Variants in ZNF621 observed in about 807,000 individuals in gnomAD.
ZNF621 encodes zinc finger protein 621.
ZNF621 carries 6 observed loss-of-function variants against 12.7 expected under a neutral mutation model. The observed-to-expected ratio is 0.47, with a 90% CI of 0.26 to 0.93. The LOEUF (loss-of-function observed/expected upper bound fraction) is 0.93. ZNF621 is among the 40% of genes least tolerant of loss of function. ZNF621 has a pLI of 0.15. For missense variants in ZNF621, 474 were observed against 524.0 expected (o/e 0.90, Z 0.93); for synonymous variants, 156 against 190.3 (o/e 0.82, Z 1.48).
intron 4 of ZNF621, among the ~76,000 whole-genome samples, chr3:40,531,711 C>T (rs902162575): frequency 2.6e-5 from 4 of 152,070 alleles, no homozygotes; most frequent in Non-Finnish European, 4.4e-5. Context: ...CACAGGGGTG[C>T]GCCACCATGC....
rs1698549282 is a variant in ZNF621, at chr3:40,525,275, G to C, written c.-63+1G>C. The stretch of plus-strand genomic sequence containing the variant: ...TTGCCCTGACAGCCTCTGGCTCCCG[G>C]TACTGACGTTTCTGATGTTTGGGGT... On this transcript the variant is annotated splice_donor_variant, in intron 1 of 4. Transcript: ENST00000339296. LOFTEE classifies it low-confidence loss of function (5UTR_SPLICE). The C allele has an allele frequency of 6.3e-6, 1 of 157,920 alleles. No individual in the cohort carries two copies. Among genetic ancestry groups the C allele is most frequent in the Non-Finnish European group, 1.4e-5 (1 of 71,710 alleles). The allele number at this position is 157,920 out of a possible 1,614,324, so 9.8% of individuals were successfully genotyped here.
At position 40,533,116 on chromosome 3, in the gene ZNF621, C is replaced by G. The variant is rs1280296012; in HGVS notation, c.*26C>G. On this transcript the variant is annotated 3_prime_UTR_variant, in exon 5 of 5. Transcript: ENST00000339296. The stretch of plus-strand genomic sequence containing the variant: ...GCTTTATCTTGGCAGTCTTACGGCT[C>G]TTATGCCTAGCAAATCTCCAGCCTA... 3 of 1,539,506 alleles carry G rather than the reference C, an allele frequency of 1.9e-6. No individual in the cohort carries two copies. The South Asian group carries it at 3.6e-5, about 19-fold the overall frequency.
chr3:40,533,417 AGG>A lies in ZNF621; in HGVS notation c.*328_*329del. 7.0e-6 allele frequency: 2 copies of A among 285,754 alleles called. No homozygotes were observed. The highest frequency in any genetic ancestry group is 1.3e-5 in the Non-Finnish European group (2 of 151,592). 17.7% of individuals were successfully genotyped at this position (285,754 alleles called of 1,614,324 possible). On this transcript the variant is annotated 3_prime_UTR_variant, in exon 5 of 5. Coordinates refer to ENST00000339296, the MANE Select transcript of ZNF621 (RefSeq NM_198484.5). ...TGGCCCCCCAAAGTGCTGGGATTAC[AGG>A]AGTGAGCCACTGTGCCCAGCCTCCA...
chr3:40,531,997 G>A (rs1323669855), intron 4 of ZNF621, 33 bp from the exon 5 acceptor site: 2 of 1,553,338 alleles, frequency 1.3e-6, no homozygotes, highest in Admixed American at 2.1e-5. Context: ...TTCCAGTTTT[G>A]TAACTAGGAA....
rs1472144432 is a variant in ZNF621, at chr3:40,532,606, T to C, written c.836T>C (p.Ile279Thr). 3.7e-6 allele frequency: 6 copies of C among 1,614,028 alleles called. No homozygotes were observed. The African/African-American group carries it at 5.3e-5, about 14-fold the overall frequency. Reference sequence around the variant, plus strand: ...GCTTTCGGTTGTAGGTCACTTTTTATTGTCCATCAGAGAATTCATACTGGG... The same window carrying C: ...GCTTTCGGTTGTAGGTCACTTTTTACTGTCCATCAGAGAATTCATACTGGG... ...WKAFGCRSLF[I>T]VHQRIHTGEK... The change falls in exon 5 of 5, where the codon ATT becomes ACT. Residue 279 changes from isoleucine (I) to threonine (T), a missense_variant. Ile to Thr is a moderately conservative substitution (Grantham distance 89). Transcript: ENST00000339296.
chr3:40,532,502 C>T lies in ZNF621; in HGVS notation c.732C>T (p.Phe244=). ...AATGTAAAGAGTGTGGAAAGGCTTT[C>T]CGTAGGAGTGCGGCATACCTGCAGC... is the stretch of plus-strand genomic sequence containing the variant. ...PYECKECGKA[F]RRSAAYLQHQ... Residue 244 remains phenylalanine, a synonymous_variant, in exon 5 of 5, where the codon TTC becomes TTT. Coordinates refer to ENST00000339296, the MANE Select transcript of ZNF621 (RefSeq NM_198484.5). The T allele has an allele frequency of 6.2e-7, 1 of 1,614,124 alleles. No homozygotes were observed. The highest frequency in any genetic ancestry group is 8.5e-7 in the Non-Finnish European group (1 of 1,180,030).
rs887404203 is a variant in ZNF621 at position 40,537,035 on chromosome 3, C to T, written c.*3945C>T. The stretch of plus-strand genomic sequence containing the variant: ...AACTGATGGTTCCCCATCTCTCTCC[C>T]TCTCCTCAGACCTCACTATTCTCTC... On this transcript the variant is annotated 3_prime_UTR_variant, in exon 5 of 5. Coordinates refer to ENST00000339296, the MANE Select transcript of ZNF621 (RefSeq NM_198484.5). 3 of 152,190 alleles carry T rather than the reference C, an allele frequency of 2.0e-5. No individual in the cohort carries two copies. The highest frequency in any genetic ancestry group is 7.2e-5 in the African/African-American group (3 of 41,442). The allele number at this position is 152,190 out of a possible 1,614,324, so 9.4% of individuals were successfully genotyped here. A position where few individuals can be genotyped will look rare whatever the true frequency, so the allele number is the denominator to read the frequency against.
Position 40,530,364 on chromosome 3 carries a change from T to C in ZNF621, c.259+48T>C, listed in dbSNP as rs558943324. ...GAAGTTTCTTGTTTTGCCTTCCTGG[T>C]TTACTAGGTAAGAAGTGTTTCTTAT... On this transcript the variant is annotated intron_variant, in intron 4 of 4. Transcript: ENST00000339296. 1.9e-5 allele frequency: 28 copies of C among 1,481,842 alleles called. No homozygotes were observed. In the East Asian group the frequency reaches 3.6e-4, roughly 19 times the overall value. 91.8% of individuals were successfully genotyped at this position (1,481,842 alleles called of 1,614,324 possible).
chr3:40,529,197 A>C (rs548998874), intron 2 of ZNF621, 122 bp from the exon 3 acceptor site: 2 of 1,219,724 alleles, frequency 1.6e-6, no homozygotes, highest in African/African-American at 3.1e-5. Context: ...CTTGTTGAGC[A>C]GACCTTACAT....
At position 40,538,164 on chromosome 3, in the gene ZNF621, C is replaced by T. The variant is rs1698916119; in HGVS notation, c.*5074C>T. The T allele has an allele frequency of 3.2e-6, 1 of 316,694 alleles. No individual in the cohort carries two copies. Among genetic ancestry groups the T allele is most frequent in the Non-Finnish European group, 6.1e-6 (1 of 163,562 alleles). 19.6% of individuals were successfully genotyped at this position (316,694 alleles called of 1,614,324 possible). A position where few individuals can be genotyped will look rare whatever the true frequency, so the allele number is the denominator to read the frequency against. On this transcript the variant is annotated 3_prime_UTR_variant, in exon 5 of 5. Coordinates refer to ENST00000339296, the MANE Select transcript of ZNF621 (RefSeq NM_198484.5). Reference sequence around the variant, plus strand: ...GCCTGGATGACAGCACATCTGTTTACAGCATGGATTACTGAATATTTTAAG... The same window carrying T: ...GCCTGGATGACAGCACATCTGTTTATAGCATGGATTACTGAATATTTTAAG...
rs115824995 is a variant in ZNF621 at position 40,532,112 on chromosome 3, A to G, written c.342A>G (p.Val114=). 1,365 of 1,614,198 alleles carry G rather than the reference A, an allele frequency of 8.5e-4. 13 individuals carry two copies. The African/African-American group carries it at 0.015, about 18-fold the overall frequency. Residue 114 remains valine (V), a synonymous_variant, in exon 5 of 5, where the codon GTA becomes GTG. Coordinates refer to ENST00000339296, the MANE Select transcript of ZNF621 (RefSeq NM_198484.5). ...AAACAGAGTTGCACAGAATGCCAGT[A>G]GGAGGACTTCTCAGGAACGTTTCTC... The part of the protein sequence containing the change: ...SEETELHRMP[V]GGLLRNVSQH...
chr3:40,529,896 G>A (rs74549518), intron 3 of ZNF621, among the ~76,000 whole-genome samples: 4,784 of 152,228 alleles, frequency 0.031, 106 homozygotes, highest in Non-Finnish European at 0.043. Context: ...TTGTTCCTTT[G>A]TCCATCCAGT....
rs537594378 is a variant in ZNF621 at position 40,532,712 on chromosome 3, T to C, written c.942T>C (p.Thr314=). The part of the protein sequence containing the change: ...IASIQHQRVH[T]GEKPYECKVC... ...CCATTCAGCATCAGAGAGTTCACAC[T>C]GGGGAGAAGCCTTATGAATGTAAGG... The change falls in exon 5 of 5, where the codon ACT becomes ACC. Residue 314 remains threonine (T), a synonymous_variant. Transcript: ENST00000339296. The C allele has an allele frequency of 3.9e-5, 63 of 1,614,180 alleles. No individual in the cohort carries two copies. In the South Asian group the frequency reaches 4.9e-4, roughly 13 times the overall value.
At position 40,533,400 on chromosome 3, in the gene ZNF621, C is replaced by A. The variant is rs562140539; in HGVS notation, c.*310C>A. ...AAGTGATCCGCCTGCCTTGGCCCCC[C>A]AAAGTGCTGGGATTACAGGAGTGAG... On this transcript the variant is annotated 3_prime_UTR_variant, in exon 5 of 5. Coordinates refer to ENST00000339296, the MANE Select transcript of ZNF621 (RefSeq NM_198484.5). 69 of 319,044 alleles carry A rather than the reference C, an allele frequency of 2.2e-4. 1 individual carries two copies. Among genetic ancestry groups the A allele is most frequent in the Admixed American group, 1.2e-3 (26 of 22,064 alleles). 19.8% of individuals were successfully genotyped at this position (319,044 alleles called of 1,614,324 possible).
Position 40,525,874 on chromosome 3 carries a change from G to C in ZNF621, c.24+10G>C, listed in dbSNP as rs1698569463. Reference sequence around the variant, plus strand: ...AACAACTTGGCCTCAGGTGAGCTGAGCTTCTTTCAGTTTTTTTGTTTGTTT... The same window carrying C: ...AACAACTTGGCCTCAGGTGAGCTGACCTTCTTTCAGTTTTTTTGTTTGTTT... On this transcript the variant is annotated intron_variant, in intron 2 of 4. Coordinates refer to ENST00000339296, the MANE Select transcript of ZNF621 (RefSeq NM_198484.5). The C allele has an allele frequency of 1.9e-6, 3 of 1,612,080 alleles. No homozygotes were observed. Among genetic ancestry groups the C allele is most frequent in the African/African-American group, 1.3e-5 (1 of 74,638 alleles).
At chr3:40,527,747 G>A (rs976591173) in intron 2 of ZNF621, among the ~76,000 whole-genome samples, 1 of 150,404 alleles carries the variant, frequency 6.6e-6, no homozygotes, top group Non-Finnish European at 1.5e-5. Context: ...TAAAAGAATG[G>A]AAATGCTTTT....
chr3:40,529,542 G>T, intron 3 of ZNF621, 97 bp downstream of exon 3: 1 of 1,594,020 alleles, frequency 6.3e-7, no homozygotes, highest in Non-Finnish European at 8.6e-7. Context: ...CTTCAGAGGA[G>T]AGTTTTGCAA....
At position 40,534,022 on chromosome 3, in the gene ZNF621, GTTTC is replaced by G. The variant is rs1457627085; in HGVS notation, c.*936_*939del. 2 of 151,876 alleles carry G rather than the reference GTTTC, an allele frequency of 1.3e-5. No homozygotes were observed. The highest frequency in any genetic ancestry group is 2.9e-5 in the Non-Finnish European group (2 of 67,948). The allele number at this position is 151,876 out of a possible 1,614,324, so 9.4% of individuals were successfully genotyped here. The stretch of plus-strand genomic sequence containing the variant: ...TTAGTTTTGCTCTTGATAGCTAGAT[GTTTC>G]TTTTAACTTTTATTTCGTAAGTAAA... On this transcript the variant is annotated 3_prime_UTR_variant, in exon 5 of 5. Coordinates refer to ENST00000339296, the MANE Select transcript of ZNF621 (RefSeq NM_198484.5).
chr3:40,531,462 CACCT>C (rs1575307766), intron 4 of ZNF621, among the ~76,000 whole-genome samples: 1 of 152,194 alleles, frequency 6.6e-6, no homozygotes, highest in South Asian at 2.1e-4. Flanking sequence ...TTCTTCCCAT[CACCT>C]ACCTTAGTTC....
Sources: allele counts gnomAD v4.1 joint callset (sites outside exome capture counted in the v4.1 genomes callset), GRCh38; gene constraint gnomAD v4.1.1; transcripts MANE v1.5; gene names NCBI Gene and HGNC (gene_info 2026-07-23, HGNC 2026-07-21).